The following SLC25A25 variants were observed in gnomAD, a reference collection of about 807,000 sequenced individuals.
The protein encoded by SLC25A25 is mitochondrial adenyl nucleotide antiporter SLC25A25.
Under a neutral mutation model 57.7 loss-of-function variants are expected in SLC25A25, and 32 were observed. The observed-to-expected ratio is 0.55, with a 90% CI of 0.42 to 0.74. The LOEUF (loss-of-function observed/expected upper bound fraction) is 0.74, where lower values mean the gene tolerates loss of function less well. Among genes scored for constraint, SLC25A25 ranks in the 30% least tolerant of loss-of-function variants. The pLI, the probability that SLC25A25 is intolerant of heterozygous loss-of-function variation, is 0.00. For missense variants in SLC25A25, 556 were observed against 701.3 expected (o/e 0.79, Z 2.34); for synonymous variants, 306 against 291.2 (o/e 1.05, Z -0.52).
At chr9:128,104,859 A>G (rs1564195187) in intron 6 of SLC25A25, among the ~76,000 whole-genome samples, 1 of 128,116 alleles carries the variant, frequency 7.8e-6, no homozygotes. Flanking sequence ...TATTATTATT[A>G]TTATTATTAT....
chr9:128,102,697 C>T lies in SLC25A25; in HGVS notation c.624+216C>T, dbSNP rs1833855875. On this transcript the variant is annotated intron_variant, in intron 5 of 10. Coordinates refer to ENST00000373069, the MANE Select transcript of SLC25A25 (RefSeq NM_001330988.2). This position sits in a 1 kb window ranked among gnomAD's most constrained non-coding sequence, Gnocchi z 4.1. Reference sequence around the variant, plus strand: ...TGAACAGCCCCATCGTTCACACACACAGGCTTCCTCTTCCAGGAACACCCT... The same window carrying T: ...TGAACAGCCCCATCGTTCACACACATAGGCTTCCTCTTCCAGGAACACCCT... Among the ~76,000 whole-genome samples, 1 of 152,236 alleles carries T rather than the reference C, an allele frequency of 6.6e-6. No individual in the cohort carries two copies.
Position 128,068,257 on chromosome 9 carries a change from G to A in SLC25A25, c.-63G>A. The A allele has an allele frequency of 1.0e-6, 1 of 989,532 alleles. No homozygotes were observed. The highest frequency in any genetic ancestry group is 3.5e-5 in the East Asian group (1 of 28,926). The allele number at this position is 989,532 out of a possible 1,614,324, so 61.3% of individuals were successfully genotyped here. A position where few individuals can be genotyped will look rare whatever the true frequency, so the allele number is the denominator to read the frequency against. On this transcript the variant is annotated 5_prime_UTR_variant, in exon 1 of 11. Coordinates refer to ENST00000373069, the MANE Select transcript of SLC25A25 (RefSeq NM_001330988.2). The stretch of plus-strand genomic sequence containing the variant: ...GCAGAGCGCCTGGCTTGCCTCCCGC[G>A]CGGTCACCGCCGGCCCGCCGCCCCC...
At chr9:128,069,795 A>T (rs1331318608) in intron 1 of SLC25A25, among the ~76,000 whole-genome samples, 3 of 152,224 alleles carry the variant, frequency 2.0e-5, no homozygotes, top group African/African-American at 7.2e-5. Flanking sequence ...TCTGTCTCCC[A>T]GGCTGGAGTG....
At chr9:128,087,175 A>G (rs1489956290) in intron 1 of SLC25A25, among the ~76,000 whole-genome samples, 1 of 145,604 alleles carries the variant, frequency 6.9e-6, no homozygotes, top group African/African-American at 2.5e-5. Flanking sequence ...GGATCGCACC[A>G]TTGCAGCCAG....
intron 1 of SLC25A25, among the ~76,000 whole-genome samples, chr9:128,069,359 T>C (rs1385704210): frequency 6.6e-6 from 1 of 152,180 alleles, no homozygotes. Context: ...TTTCTTTCCC[T>C]TCTGTCTCTT....
At chr9:128,094,003 C>G (rs939390997) in intron 1 of SLC25A25, among the ~76,000 whole-genome samples, 3 of 152,122 alleles carry the variant, frequency 2.0e-5, no homozygotes, top group Non-Finnish European at 2.9e-5. Context: ...CAAAAATTAG[C>G]TGGGCGTGGT....
intron 1 of SLC25A25, among the ~76,000 whole-genome samples, chr9:128,084,302 C>A (rs1164939966): frequency 6.6e-6 from 1 of 151,172 alleles, no homozygotes; most frequent in Admixed American, 6.6e-5. Flanking sequence ...ACTCTGTTGC[C>A]CAGGCTGGAG....
chr9:128,093,828 T>A (rs536052708), intron 1 of SLC25A25, among the ~76,000 whole-genome samples: 1 of 152,320 alleles, frequency 6.6e-6, no homozygotes, highest in African/African-American at 2.4e-5. Flanking sequence ...AAAAAGGACC[T>A]CCAGAATGTT....
rs1480072093 is a variant in SLC25A25 at position 128,076,434 on chromosome 9, CTTTTTTTTTATT to C, written c.261+7858_261+7869del. The stretch of plus-strand genomic sequence containing the variant: ...GCATGAGCCACCACGCCCAGCCTAA[CTTTTTTTTTATT>C]TTTATTTTTATTTTTATTTTTATTT... On this transcript the variant is annotated intron_variant, in intron 1 of 10. Coordinates refer to ENST00000373069, the MANE Select transcript of SLC25A25 (RefSeq NM_001330988.2). 1.3e-3 allele frequency among the ~76,000 whole-genome samples: 192 copies of C among 146,828 alleles called. 1 individual carries two copies. Among genetic ancestry groups the C allele is most frequent in the Middle Eastern group, 3.4e-3 (1 of 294 alleles).
intron 1 of SLC25A25, among the ~76,000 whole-genome samples, chr9:128,074,069 TCACTCTGTCACC>T (rs1461876442): frequency 6.6e-6 from 1 of 150,830 alleles, no homozygotes; most frequent in African/African-American, 2.4e-5. Flanking sequence ...TGACGGATTC[TCACTCTGTCACC>T]CAGGCTGGAG....
intron 1 of SLC25A25, among the ~76,000 whole-genome samples, chr9:128,100,125 T>C (rs2130815187): frequency 6.6e-6 from 1 of 152,194 alleles, no homozygotes; most frequent in Non-Finnish European, 1.5e-5. Context: ...ATGTTTAGGC[T>C]CTCGGAACTC....
intron 6 of SLC25A25, among the ~76,000 whole-genome samples, chr9:128,105,331 C>T (rs560141513): frequency 4.6e-5 from 7 of 151,808 alleles, no homozygotes; most frequent in East Asian, 3.9e-4. Flanking sequence ...CCACCACGCC[C>T]GGCTAACTTT....
intron 1 of SLC25A25, among the ~76,000 whole-genome samples, chr9:128,097,930 G>C (rs780683627): frequency 6.6e-5 from 10 of 152,224 alleles, no homozygotes; most frequent in Non-Finnish European, 1.3e-4. Context: ...CTGGAGCCGT[G>C]TGTGGCCAGG....
chr9:128,074,262 G>A (rs374089437), intron 1 of SLC25A25, among the ~76,000 whole-genome samples: 3 of 143,112 alleles, frequency 2.1e-5, no homozygotes, highest in African/African-American at 7.8e-5. Flanking sequence ...GACTGGTCTC[G>A]AACTCCTGAC....
chr9:128,074,414 CAAAT>C (rs1832967431), intron 1 of SLC25A25, among the ~76,000 whole-genome samples: 1 of 151,580 alleles, frequency 6.6e-6, no homozygotes, highest in Non-Finnish European at 1.5e-5. Context: ...AACCAAGTAA[CAAAT>C]AAGAATAGGG....
chr9:128,082,141 C>T (rs1424109404), intron 1 of SLC25A25, among the ~76,000 whole-genome samples: 2 of 152,202 alleles, frequency 1.3e-5, no homozygotes, highest in African/African-American at 2.4e-5. Flanking sequence ...AAGCCATCCA[C>T]AAGACTGAGG....
rs745836070 is a variant in SLC25A25 at position 128,105,753 on chromosome 9, A to G, written c.808A>G (p.Met270Val). ...MQVHASRSNN[M>V]GIVGGFTQMI... ...GGTCCATGCCTCCCGCAGCAACAAC[A>G]TGGGCATCGTTGGTGGCTTCACTCA... Residue 270 changes from methionine to valine, a missense_variant, in exon 7 of 11, where the codon ATG becomes GTG. Met to Val is a conservative substitution (Grantham distance 21). Coordinates refer to ENST00000373069, the MANE Select transcript of SLC25A25 (RefSeq NM_001330988.2). The G allele has an allele frequency of 2.5e-6, 4 of 1,613,528 alleles. No individual in the cohort carries two copies. The African/African-American group carries it at 5.3e-5, about 22-fold the overall frequency.
intron 6 of SLC25A25, among the ~76,000 whole-genome samples, chr9:128,104,797 G>A (rs1261929926): frequency 6.6e-6 from 1 of 150,410 alleles, no homozygotes; most frequent in East Asian, 1.9e-4. Context: ...TATGTCTTAA[G>A]TTTTTTTAAT....
intron 1 of SLC25A25, among the ~76,000 whole-genome samples, chr9:128,071,399 T>C (rs773198174): frequency 1.3e-5 from 2 of 152,058 alleles, no homozygotes; most frequent in Non-Finnish European, 2.9e-5. Context: ...TTTCATTTAT[T>C]TATCTATTAT....
Sources: gnomAD v4.1 joint callset for allele counts (sites outside exome capture counted in the v4.1 genomes callset) on GRCh38, gnomAD v4.1.1 for gene constraint, Gnocchi (gnomAD v3.1) non-coding constraint, MANE v1.5 for transcripts, NCBI Gene and HGNC (gene_info 2026-07-23, HGNC 2026-07-21) for gene names.